TRPM3: variants seen among roughly 807,000 people sequenced by gnomAD.
TRPM3 encodes transient receptor potential cation channel subfamily M member 3.
A neutral mutation model predicts 181.2 loss-of-function variants in TRPM3; 77 were observed. The observed-to-expected ratio is 0.42, with a 90% confidence interval of 0.35 to 0.51. The LOEUF (loss-of-function observed/expected upper bound fraction) is 0.51. Ranked by LOEUF, TRPM3 falls within the 20% of genes least tolerant of loss-of-function variation. The probability of loss-of-function intolerance (pLI) is 0.01; values close to 1 mark genes in which losing one functional copy is unlikely to be tolerated. For missense variants in TRPM3, 1,759 were observed against 2,196.7 expected (o/e 0.80, Z 3.98); for synonymous variants, 745 against 796.4 (o/e 0.94, Z 1.09).
chr9:71,392,777 A>G (rs1416606096), intron 1 of TRPM3, among the ~76,000 whole-genome samples: 1 of 152,116 alleles, frequency 6.6e-6, no homozygotes, highest in African/African-American at 2.4e-5. Context: ...TCAAAATCAC[A>G]TTTGTACCCT....
At chr9:71,118,256 G>A (rs1196552092) in intron 1 of TRPM3, among the ~76,000 whole-genome samples, 2 of 152,156 alleles carry the variant, frequency 1.3e-5, no homozygotes, top group Non-Finnish European at 2.9e-5. Flanking sequence ...AATTCAAAAT[G>A]TGAGTGTGTT....
chr9:71,020,421 T>C (rs529235003), intron 1 of TRPM3, among the ~76,000 whole-genome samples: 1 of 151,388 alleles, frequency 6.6e-6, no homozygotes, highest in South Asian at 2.1e-4. Flanking sequence ...GAGGCTATGC[T>C]GAACCATGTC....
intron 1 of TRPM3, among the ~76,000 whole-genome samples, chr9:70,866,705 G>A (rs927647615): frequency 6.6e-6 from 1 of 151,998 alleles, no homozygotes. Context: ...TATATAGGAA[G>A]CTTATTTAAC....
chr9:70,550,295 C>CT (rs2046161063), intron 24 of TRPM3, among the ~76,000 whole-genome samples: 1 of 152,160 alleles, frequency 6.6e-6, no homozygotes. Context: ...ACCTTCTCCT[C>CT]TTTTTCCTGC....
chr9:70,671,166 T>C (rs896240133), intron 9 of TRPM3, among the ~76,000 whole-genome samples: 9 of 152,220 alleles, frequency 5.9e-5, no homozygotes, highest in African/African-American at 2.2e-4. Flanking sequence ...TTTGCTTGCA[T>C]TATCAATTAA....
intron 1 of TRPM3, among the ~76,000 whole-genome samples, chr9:71,014,199 T>C (rs868065724): frequency 4.6e-5 from 7 of 152,024 alleles, no homozygotes; most frequent in African/African-American, 1.7e-4. Flanking sequence ...TAGTGAGTTT[T>C]ATATTTAAAT....
chr9:71,271,591 A>G (rs1318332521), intron 1 of TRPM3, among the ~76,000 whole-genome samples: 1 of 151,732 alleles, frequency 6.6e-6, no homozygotes, highest in Non-Finnish European at 1.5e-5. Flanking sequence ...GAGGGGAGTA[A>G]GGGGCTCTCA....
chr9:70,765,841 T>C (rs553416759), intron 7 of TRPM3, among the ~76,000 whole-genome samples: 20 of 152,294 alleles, frequency 1.3e-4, no homozygotes, highest in African/African-American at 4.8e-4. Context: ...TTTACTGTAA[T>C]AGTTAATCAT....
At chr9:71,266,051 G>A (rs1157885122) in intron 1 of TRPM3, among the ~76,000 whole-genome samples, 1 of 152,180 alleles carries the variant, frequency 6.6e-6, no homozygotes, top group East Asian at 1.9e-4. Context: ...CCAACACCAG[G>A]AGCAGCTGAA....
At position 70,628,818 on chromosome 9, in the gene TRPM3, T is replaced by TAAAAAAAAA. The variant is rs10699305; in HGVS notation, c.1633-3310_1633-3302dup. On this transcript the variant is annotated intron_variant, in intron 12 of 25. Coordinates refer to ENST00000677713, the MANE Select transcript of TRPM3 (RefSeq NM_001366145.2). ...TGGGCGACAGAGCAAGACTCTGTCT[T>TAAAAAAAAA]AAAAAAAAAAAAAAAAAAAAAAAAT... Among the ~76,000 whole-genome samples the TAAAAAAAAA allele has an allele frequency of 1.3e-3, 118 of 89,534 alleles. 1 individual carries two copies. The highest frequency in any genetic ancestry group is 3.7e-3 in the African/African-American group (95 of 25,550). The allele number at this position is 89,534 out of a possible 152,430, so 58.7% of individuals were successfully genotyped here.
intron 1 of TRPM3, among the ~76,000 whole-genome samples, chr9:71,188,404 G>T (rs2183017): frequency 0.43 from 65,624 of 151,600 alleles, 14,572 homozygotes; most frequent in East Asian, 0.52. Context: ...GGCAGACCAC[G>T]TGCCTGTAGA....
chr9:70,945,898 A>G (rs1010429785), intron 1 of TRPM3, among the ~76,000 whole-genome samples: 22 of 152,084 alleles, frequency 1.4e-4, no homozygotes, highest in Non-Finnish European at 2.5e-4. Flanking sequence ...TGTTGAGGAC[A>G]TTGGGTTTCA....
intron 1 of TRPM3, among the ~76,000 whole-genome samples, chr9:71,332,600 G>C (rs1325483379): frequency 6.6e-6 from 1 of 151,620 alleles, no homozygotes; most frequent in Non-Finnish European, 1.5e-5. Flanking sequence ...AGGAGATAAA[G>C]AGAAAAGTTA....
chr9:70,959,256 C>T (rs1024480855), intron 1 of TRPM3, among the ~76,000 whole-genome samples: 1 of 151,772 alleles, frequency 6.6e-6, no homozygotes, highest in African/African-American at 2.4e-5. Flanking sequence ...ATCCCTAATG[C>T]CTACTATCCT....
chr9:71,280,520 A>AG (rs2084625243), intron 1 of TRPM3, among the ~76,000 whole-genome samples: 1 of 148,516 alleles, frequency 6.7e-6, no homozygotes, highest in Non-Finnish European at 1.5e-5. Context: ...TCAGAAAAAA[A>AG]AAGAAAAGAA....
At chr9:70,686,744 T>G (rs1279997867) in intron 8 of TRPM3, among the ~76,000 whole-genome samples, 1 of 133,496 alleles carries the variant, frequency 7.5e-6, no homozygotes, top group African/African-American at 2.8e-5. Flanking sequence ...CTTCCTTCCC[T>G]TCCTCCTTCT....
intron 1 of TRPM3, among the ~76,000 whole-genome samples, chr9:71,369,646 T>C (rs769619040): frequency 1.1e-4 from 17 of 152,308 alleles, no homozygotes; most frequent in Non-Finnish European, 2.1e-4. Context: ...CCTCCCAAAG[T>C]GCTGGGATTA....
chr9:70,782,857 C>T (rs1351264686), intron 7 of TRPM3, among the ~76,000 whole-genome samples: 1 of 151,904 alleles, frequency 6.6e-6, no homozygotes, highest in Admixed American at 6.6e-5. Flanking sequence ...TCTTGTTATT[C>T]CTCATTTCAC....
rs190329265 is a variant in TRPM3, at chr9:71,237,030, G to A, written c.183+209623C>T. On this transcript the variant is annotated intron_variant, in intron 1 of 24. Transcript: ENST00000357533. ...CCACTGTACTCCAGCCTGGGCGATA[G>A]AGCAAGACTCCATCAAAAAAAAAAA... Among the ~76,000 whole-genome samples, 231 of 105,784 alleles carry A rather than the reference G, an allele frequency of 2.2e-3. 4 individuals are homozygous for A. Among genetic ancestry groups the A allele is most frequent in the Non-Finnish European group, 6.9e-4 (40 of 58,266 alleles). The allele number at this position is 105,784 out of a possible 152,430, so 69.4% of individuals were successfully genotyped here. A position where few individuals can be genotyped will look rare whatever the true frequency, so the allele number is the denominator to read the frequency against.
Sources: allele counts gnomAD v4.1 joint callset (sites outside exome capture counted in the v4.1 genomes callset), GRCh38; gene constraint gnomAD v4.1.1; transcripts MANE v1.5; gene names NCBI Gene and HGNC (gene_info 2026-07-23, HGNC 2026-07-21).